The following ST8SIA4 variants were observed in gnomAD, a reference collection of about 807,000 sequenced individuals.
ST8SIA4 encodes CMP-N-acetylneuraminate-poly-alpha-2,8-sialyltransferase.
Under a neutral mutation model 33.9 loss-of-function variants are expected in ST8SIA4, and 15 were observed. The observed-to-expected ratio is 0.44, with a 90% CI of 0.30 to 0.68. ST8SIA4 has a LOEUF of 0.68. Ranked by LOEUF, ST8SIA4 falls within the 30% of genes least tolerant of loss-of-function variation. The pLI, the probability that ST8SIA4 is intolerant of heterozygous loss-of-function variation, is 0.10. For missense variants in ST8SIA4, 321 were observed against 428.0 expected, an observed-to-expected ratio of 0.75 and a Z score of 2.21; for synonymous variants, 171 against 151.2, an observed-to-expected ratio of 1.13 and a Z score of -0.96.
At chr5:100,870,171 G>A (rs1043906336) in intron 3 of ST8SIA4, among the ~76,000 whole-genome samples, 2 of 152,138 alleles carry the variant, frequency 1.3e-5, no homozygotes, top group African/African-American at 2.4e-5. Context: ...ACAAAGGACA[G>A]GAACTCATCC....
chr5:100,886,196 T>C, intron 3 of ST8SIA4, 147 bp downstream of exon 3: 2 of 1,433,484 alleles, frequency 1.4e-6, no homozygotes, highest in Non-Finnish European at 1.8e-6. Flanking sequence ...AGGGTAAATG[T>C]AATTTAAATG....
In ST8SIA4 at chr5:100,809,982, T is replaced by G. The variant is rs2112390360; in HGVS notation, c.*1865A>C. On this transcript the variant is annotated 3_prime_UTR_variant, in exon 5 of 5. Transcript: ENST00000231461. ...TAACACACACACACACACACGTACT[T>G]CATGCTTTTTATTCATTTCTCAGAC... The G allele has an allele frequency of 6.6e-6, 1 of 151,594 alleles. No individual in the cohort carries two copies. The highest frequency in any genetic ancestry group is 1.5e-5 in the Non-Finnish European group (1 of 67,862). The allele number at this position is 151,594 out of a possible 1,614,324, so 9.4% of individuals were successfully genotyped here.
At chr5:100,828,670 A>C (rs189201061) in intron 4 of ST8SIA4, among the ~76,000 whole-genome samples, 1 of 152,210 alleles carries the variant, frequency 6.6e-6, no homozygotes, top group Non-Finnish European at 1.5e-5. Context: ...CTTTGCCTCT[A>C]GAAAATTTAG....
chr5:100,871,851 A>G (rs1752203291), intron 3 of ST8SIA4, among the ~76,000 whole-genome samples: 1 of 152,114 alleles, frequency 6.6e-6, no homozygotes, highest in Admixed American at 6.6e-5. Flanking sequence ...ACCTCACTGA[A>G]CAGTGAAAAT....
intron 3 of ST8SIA4, among the ~76,000 whole-genome samples, chr5:100,885,126 C>A (rs1580481806): frequency 6.6e-6 from 1 of 151,080 alleles, no homozygotes; most frequent in South Asian, 2.1e-4. Flanking sequence ...CTGATTTCCA[C>A]TTCCATTGCC....
chr5:100,847,359 A>C (rs890576809), intron 4 of ST8SIA4, among the ~76,000 whole-genome samples: 1 of 152,030 alleles, frequency 6.6e-6, no homozygotes, highest in African/African-American at 2.4e-5. Context: ...CCTGAGGTCT[A>C]TTGATGATGT....
At chr5:100,886,000 A>G in intron 3 of ST8SIA4, 1 of 946,098 alleles carries the variant, frequency 1.1e-6, no homozygotes, top group Non-Finnish European at 1.3e-6. Context: ...TACAACAAAT[A>G]AAATCACACA....
intron 3 of ST8SIA4, among the ~76,000 whole-genome samples, chr5:100,881,649 T>C (rs1391093619): frequency 1.3e-5 from 2 of 152,182 alleles, no homozygotes; most frequent in Non-Finnish European, 2.9e-5. Flanking sequence ...TCTCACTTGA[T>C]ATAGTTTAGC....
intron 4 of ST8SIA4, among the ~76,000 whole-genome samples, chr5:100,839,212 T>C (rs1025348207): frequency 6.6e-6 from 1 of 152,002 alleles, no homozygotes; most frequent in Non-Finnish European, 1.5e-5. Context: ...TCACTTGTTT[T>C]CTGGGTAAAT....
At chr5:100,900,334 G>A in intron 1 of ST8SIA4, 1 of 446,906 alleles carries the variant, frequency 2.2e-6, no homozygotes, top group African/African-American at 2.0e-5. Flanking sequence ...ATACTGGACC[G>A]GGATCTGGAG....
intron 4 of ST8SIA4, among the ~76,000 whole-genome samples, chr5:100,813,006 T>G (rs1750845363): frequency 6.6e-6 from 1 of 152,098 alleles, no homozygotes; most frequent in South Asian, 2.1e-4. Context: ...CACAAAAACT[T>G]AATAAGTTTA....
At chr5:100,876,722 T>G (rs1489889264) in intron 3 of ST8SIA4, among the ~76,000 whole-genome samples, 1 of 152,028 alleles carries the variant, frequency 6.6e-6, no homozygotes, top group Non-Finnish European at 1.5e-5. Flanking sequence ...TGTTAAGAAA[T>G]AAGAATTTTA....
intron 3 of ST8SIA4, among the ~76,000 whole-genome samples, chr5:100,861,534 G>C (rs1362715002): frequency 6.6e-6 from 1 of 152,126 alleles, no homozygotes; most frequent in Non-Finnish European, 1.5e-5. Flanking sequence ...CTAGAGAATA[G>C]CTTAGATTTG....
At chr5:100,822,988 G>T (rs532492894) in intron 4 of ST8SIA4, among the ~76,000 whole-genome samples, 2 of 152,050 alleles carry the variant, frequency 1.3e-5, no homozygotes, top group South Asian at 2.1e-4. Context: ...AAAAGTAGCC[G>T]GGCGTGGTGG....
intron 3 of ST8SIA4, among the ~76,000 whole-genome samples, chr5:100,876,933 T>G (rs1752319748): frequency 6.6e-6 from 1 of 152,020 alleles, no homozygotes; most frequent in Admixed American, 6.6e-5. Flanking sequence ...AATACCCCAT[T>G]AAAAGCATTA....
chr5:100,842,973 A>C (rs1751499094), intron 4 of ST8SIA4, among the ~76,000 whole-genome samples: 1 of 151,856 alleles, frequency 6.6e-6, no homozygotes, highest in African/African-American at 2.4e-5. Flanking sequence ...AGGAAGCTTT[A>C]AAGTTGAACT....
chr5:100,883,122 G>A, intron 3 of ST8SIA4, among the ~76,000 whole-genome samples: 1 of 152,190 alleles, frequency 6.6e-6, no homozygotes, highest in Non-Finnish European at 1.5e-5. Context: ...CTCAATGCTA[G>A]TGCGTGAAAG....
At chr5:100,813,071 T>G (rs1750846728) in intron 4 of ST8SIA4, among the ~76,000 whole-genome samples, 1 of 152,214 alleles carries the variant, frequency 6.6e-6, no homozygotes, top group South Asian at 2.1e-4. Context: ...TGCTCTGCCA[T>G]CCAAACGTAA....
chr5:100,816,138 G>A (rs1003392330), intron 4 of ST8SIA4, among the ~76,000 whole-genome samples: 1 of 152,110 alleles, frequency 6.6e-6, no homozygotes, highest in Non-Finnish European at 1.5e-5. Flanking sequence ...TTCTCTCTCC[G>A]TGAAATTGTG....
Sources: gnomAD v4.1 joint callset for allele counts (sites outside exome capture counted in the v4.1 genomes callset) on GRCh38, gnomAD v4.1.1 for gene constraint, MANE v1.5 for transcripts, NCBI Gene and HGNC (gene_info 2026-07-23, HGNC 2026-07-21) for gene names.